EHD4: variants seen among roughly 807,000 people sequenced by gnomAD.
EHD4 encodes EH domain containing 4, also known as EH domain-containing protein 4.
EHD4 carries 37 observed loss-of-function variants against 51.0 expected under a neutral mutation model. The ratio of observed to expected loss-of-function variants is 0.73; its 90% CI spans 0.56 to 0.95. The LOEUF is 0.95. EHD4 is among the 40% of genes least tolerant of loss of function. EHD4 has a pLI of 0.00. For synonymous variants in EHD4, 297 were observed against 317.3 expected, an observed-to-expected ratio of 0.94 and a Z score of 0.68; for missense variants, 632 against 733.1, an observed-to-expected ratio of 0.86 and a Z score of 1.59.
chr15:41,929,151 C>T (rs912679722), intron 3 of EHD4, among the ~76,000 whole-genome samples: 19 of 152,228 alleles, frequency 1.2e-4, no homozygotes, highest in African/African-American at 4.3e-4. Context: ...AAGAACTAGG[C>T]GTGTCCAGGG....
intron 3 of EHD4, among the ~76,000 whole-genome samples, chr15:41,932,915 C>T (rs1050881635): frequency 6.6e-6 from 1 of 152,194 alleles, no homozygotes; most frequent in Non-Finnish European, 1.5e-5. Flanking sequence ...GAGCTGGGTC[C>T]GTCTATTCTG....
rs1218183832 is a variant in EHD4, at chr15:41,899,945, GC to G, written c.*699del. The G allele has an allele frequency of 2.6e-5, 4 of 152,302 alleles. No individual in the cohort carries two copies. The highest frequency in any genetic ancestry group is 6.5e-5 in the Admixed American group (1 of 15,280). 9.4% of individuals were successfully genotyped at this position (152,302 alleles called of 1,614,324 possible). On this transcript the variant is annotated 3_prime_UTR_variant, in exon 6 of 6. Coordinates refer to ENST00000220325, the MANE Select transcript of EHD4 (RefSeq NM_139265.4). ...TAGCCGAATATGGCTTTGCTGGTAA[GC>G]CCCCTGGAAGGGAGGTTGGGAGGGC...
In EHD4 at chr15:41,911,716, A is replaced by C. The variant is rs77495358; in HGVS notation, c.925-1853T>G. ...CTGGAGCCACCCCAAGGGAAGCAGG[A>C]GGCCCCCACAGCTGCTCAGTCTCCC... On this transcript the variant is annotated intron_variant, in intron 4 of 5. Transcript: ENST00000220325. 1.4e-3 allele frequency among the ~76,000 whole-genome samples: 212 copies of C among 152,248 alleles called. 2 individuals carry two copies. In the East Asian group the frequency reaches 0.036, roughly 26 times the overall value.
chr15:41,960,336 A>G (rs1300297653), intron 1 of EHD4, among the ~76,000 whole-genome samples: 1 of 152,198 alleles, frequency 6.6e-6, no homozygotes, highest in East Asian at 1.9e-4. Flanking sequence ...TAACATTTTG[A>G]TGTATTTCCA....
intron 1 of EHD4, 34 bp from the exon 2 acceptor site, chr15:41,953,974 T>C (rs773180963): frequency 1.2e-6 from 2 of 1,600,724 alleles, no homozygotes; most frequent in Non-Finnish European, 1.7e-6. Context: ...AAGCTTAGCA[T>C]CTTATCACAA....
chr15:41,953,682 T>G, intron 2 of EHD4, 82 bp downstream of exon 2: 2 of 1,433,672 alleles, frequency 1.4e-6, no homozygotes, highest in Non-Finnish European at 1.9e-6. Flanking sequence ...CTTCTGTTTT[T>G]GAACCTTTAT....
At chr15:41,967,025 C>G (rs1351406508) in intron 1 of EHD4, among the ~76,000 whole-genome samples, 1 of 152,240 alleles carries the variant, frequency 6.6e-6, no homozygotes, top group East Asian at 1.9e-4. Context: ...TGTCTTACCC[C>G]TCATGGACAT....
At chr15:41,928,219 A>G (rs1330689294) in intron 3 of EHD4, 2 of 152,234 alleles carry the variant, frequency 1.3e-5, no homozygotes, top group Non-Finnish European at 2.9e-5. Flanking sequence ...CTATAAATCA[A>G]CAACTGCAGC....
rs2067445763 is a variant in EHD4, at chr15:41,897,365, C to G, written c.*3280G>C. 1 of 152,258 alleles carries G rather than the reference C, an allele frequency of 6.6e-6. No homozygotes were observed. The highest frequency in any genetic ancestry group is 1.5e-5 in the Non-Finnish European group (1 of 68,058). 9.4% of individuals were successfully genotyped at this position (152,258 alleles called of 1,614,324 possible). ...GGCTGTGACTCCCGCGGGTGAACCA[C>G]AGCTCCACAGCCCCAAATCCAAAGA... On this transcript the variant is annotated 3_prime_UTR_variant, in exon 6 of 6. Coordinates refer to ENST00000220325, the MANE Select transcript of EHD4 (RefSeq NM_139265.4).
chr15:41,917,057 G>A (rs555875001), intron 4 of EHD4, among the ~76,000 whole-genome samples: 8 of 152,170 alleles, frequency 5.3e-5, no homozygotes, highest in Admixed American at 4.6e-4. Context: ...GAAGCTCTAC[G>A]GGTTAAGGCG....
intron 1 of EHD4, among the ~76,000 whole-genome samples, chr15:41,957,059 G>A (rs1052511067): frequency 2.0e-5 from 3 of 152,186 alleles, no homozygotes; most frequent in African/African-American, 7.2e-5. Context: ...TGCTGGGAGC[G>A]GTGGCTCGTG....
At chr15:41,960,880 C>G (rs1160487481) in intron 1 of EHD4, among the ~76,000 whole-genome samples, 4 of 152,122 alleles carry the variant, frequency 2.6e-5, no homozygotes, top group African/African-American at 9.7e-5. Flanking sequence ...ACCATGTTGT[C>G]CAGGCTGGTC....
At chr15:41,951,060 A>G (rs2067849596) in intron 2 of EHD4, among the ~76,000 whole-genome samples, 1 of 152,192 alleles carries the variant, frequency 6.6e-6, no homozygotes, top group African/African-American at 2.4e-5. Context: ...GGCACTGGGC[A>G]GTGATTCCCA....
intron 2 of EHD4, among the ~76,000 whole-genome samples, chr15:41,945,004 C>A (rs1309660659): frequency 6.6e-6 from 1 of 152,120 alleles, no homozygotes; most frequent in East Asian, 1.9e-4. Flanking sequence ...ACAGAAAAAA[C>A]CCCACCATGC....
chr15:41,964,415 C>G (rs1016585181), intron 1 of EHD4, among the ~76,000 whole-genome samples: 1 of 152,012 alleles, frequency 6.6e-6, no homozygotes, highest in Non-Finnish European at 1.5e-5. Context: ...CCAGCCTAGA[C>G]AGCACAGCGA....
chr15:41,921,539 T>C (rs189941352), intron 3 of EHD4: 1 of 152,240 alleles, frequency 6.6e-6, no homozygotes, highest in East Asian at 1.9e-4. Context: ...AGCGGATGAA[T>C]GAACTGGCTG....
At chr15:41,908,540 C>T (rs2067527389) in intron 5 of EHD4, 1 of 152,118 alleles carries the variant, frequency 6.6e-6, no homozygotes, top group African/African-American at 2.4e-5. Context: ...TGTGTGCAGC[C>T]CATATGCAGG....
intron 3 of EHD4, 61 bp from the exon 4 acceptor site, chr15:41,919,683 G>A (rs980481918): frequency 1.2e-5 from 17 of 1,454,008 alleles, no homozygotes; most frequent in South Asian, 3.2e-5. Context: ...TTTAATGGGC[G>A]GCTCAGGAAC....
intron 1 of EHD4, among the ~76,000 whole-genome samples, chr15:41,956,151 G>A (rs1044786181): frequency 2.6e-5 from 4 of 152,220 alleles, no homozygotes; most frequent in Admixed American, 2.6e-4. Flanking sequence ...TAATAGCAAC[G>A]GTGGGCTGGC....
Sources: gnomAD v4.1 joint callset for allele counts (sites outside exome capture counted in the v4.1 genomes callset) on GRCh38, gnomAD v4.1.1 for gene constraint, MANE v1.5 for transcripts, NCBI Gene and HGNC (gene_info 2026-07-23, HGNC 2026-07-21) for gene names.